Variants in SSBP2 observed in about 807,000 individuals in gnomAD.
SSBP2 encodes the protein single-stranded DNA-binding protein 2.
A neutral mutation model predicts 61.8 loss-of-function variants in SSBP2; 17 were observed. The ratio of observed to expected loss-of-function variants is 0.28; its 90% CI spans 0.19 to 0.41. SSBP2 has a LOEUF of 0.41. Ranked by LOEUF, SSBP2 falls within the 10% of genes least tolerant of loss-of-function variation. SSBP2 has a pLI of 1.00. For missense variants in SSBP2, 310 were observed against 458.7 expected (o/e 0.68, Z 2.96); for synonymous variants, 139 against 141.3 (o/e 0.98, Z 0.12).
intron 3 of SSBP2, among the ~76,000 whole-genome samples, chr5:81,627,188 G>A (rs747204985): frequency 6.4e-4 from 98 of 151,978 alleles, no homozygotes; most frequent in Non-Finnish European, 1.0e-3. Flanking sequence ...GATTCCCTCC[G>A]TTTTTTACAA....
chr5:81,525,942 T>C (rs1769898737), intron 4 of SSBP2, among the ~76,000 whole-genome samples: 1 of 152,044 alleles, frequency 6.6e-6, no homozygotes, highest in South Asian at 2.1e-4. Flanking sequence ...CAGATTACAA[T>C]CATGGAGGTA....
At chr5:81,649,697 T>A (rs1749567883) in intron 2 of SSBP2, among the ~76,000 whole-genome samples, 2 of 151,616 alleles carry the variant, frequency 1.3e-5, no homozygotes, top group Admixed American at 6.6e-5. Flanking sequence ...GGTGACAGTA[T>A]CTATACCCTA....
At chr5:81,512,841 T>A (rs955922396) in intron 5 of SSBP2, among the ~76,000 whole-genome samples, 2 of 152,136 alleles carry the variant, frequency 1.3e-5, no homozygotes, top group Non-Finnish European at 2.9e-5. Flanking sequence ...TCATTAACAA[T>A]ACAGCATATT....
chr5:81,511,460 T>C (rs181171508), intron 5 of SSBP2, among the ~76,000 whole-genome samples: 1 of 152,318 alleles, frequency 6.6e-6, no homozygotes, highest in Admixed American at 6.5e-5. Flanking sequence ...TGTGCCATGC[T>C]ATAGCATATC....
At position 81,749,377 on chromosome 5, in the gene SSBP2, G is replaced by T. The variant is rs761001914; in HGVS notation, c.62+1604C>A. On this transcript the variant is annotated intron_variant, in intron 1 of 16. Transcript: ENST00000320672. ...AAATCCTATGGGAATTGAGTGTGTT[G>T]CTGCCAACACAAAGATTAGGAAATG... Among the ~76,000 whole-genome samples, 67 of 152,268 alleles carry T rather than the reference G, an allele frequency of 4.4e-4. No homozygotes were observed. In the Middle Eastern group the frequency reaches 0.01, roughly 23 times the overall value.
intron 5 of SSBP2, among the ~76,000 whole-genome samples, chr5:81,496,008 T>C (rs1280486451): frequency 6.6e-6 from 1 of 152,162 alleles, no homozygotes; most frequent in Non-Finnish European, 1.5e-5. Flanking sequence ...TTCCTTAGAA[T>C]GAACGAATTA....
At chr5:81,645,015 C>T (rs1482059420) in intron 2 of SSBP2, among the ~76,000 whole-genome samples, 2 of 152,082 alleles carry the variant, frequency 1.3e-5, no homozygotes, top group Admixed American at 6.5e-5. Context: ...AAAAGTTGGT[C>T]AAGATTTTTT....
chr5:81,531,056 C>A (rs1031660476), intron 4 of SSBP2, among the ~76,000 whole-genome samples: 1 of 150,924 alleles, frequency 6.6e-6, no homozygotes, highest in African/African-American at 2.4e-5. Flanking sequence ...AAAACCAAAC[C>A]AAAACCAAAA....
chr5:81,420,611 C>T (rs993452743), intron 16 of SSBP2, 78 bp from the exon 17 acceptor site: 16 of 1,165,698 alleles, frequency 1.4e-5, no homozygotes, highest in East Asian at 9.6e-5. Context: ...ACAACAGAAA[C>T]GATGAATTCT....
intron 1 of SSBP2, among the ~76,000 whole-genome samples, chr5:81,700,673 G>T (rs1324788492): frequency 2.0e-5 from 3 of 152,182 alleles, no homozygotes; most frequent in East Asian, 3.8e-4. Context: ...AATGATCTTA[G>T]ATCTTCTGGA....
intron 10 of SSBP2, among the ~76,000 whole-genome samples, chr5:81,451,828 G>C (rs2153981065): frequency 8.0e-6 from 1 of 125,506 alleles, no homozygotes; most frequent in Admixed American, 7.4e-5. Context: ...TCAACTAGTT[G>C]TTCAATTTCT....
chr5:81,653,456 T>C (rs1323270950), intron 1 of SSBP2, among the ~76,000 whole-genome samples: 1 of 152,216 alleles, frequency 6.6e-6, no homozygotes, highest in East Asian at 1.9e-4. Flanking sequence ...CCTTTGGATA[T>C]ATACTCAGTA....
At position 81,417,697 on chromosome 5, in the gene SSBP2, T is replaced by C. The variant is rs756385490; in HGVS notation, c.*2807A>G. 11 of 152,206 alleles carry C rather than the reference T, an allele frequency of 7.2e-5. No homozygotes were observed. The highest frequency in any genetic ancestry group is 2.0e-4 in the Admixed American group (3 of 15,270). The allele number at this position is 152,206 out of a possible 1,614,324, so 9.4% of individuals were successfully genotyped here. The stretch of plus-strand genomic sequence containing the variant: ...AATATACAGATATACTGTCTTCCAT[T>C]CAGTGCATGAAAGAATTATCTGGAT... On this transcript the variant is annotated 3_prime_UTR_variant, in exon 17 of 17. Transcript: ENST00000320672.
intron 6 of SSBP2, among the ~76,000 whole-genome samples, chr5:81,482,719 CTTCT>C (rs1254851442): frequency 1.3e-5 from 2 of 152,156 alleles, no homozygotes; most frequent in Non-Finnish European, 1.5e-5. Context: ...TAAAAACTTC[CTTCT>C]ATCAGCAATA....
At chr5:81,531,251 A>G (rs34422928) in intron 4 of SSBP2, among the ~76,000 whole-genome samples, 1 of 151,592 alleles carries the variant, frequency 6.6e-6, no homozygotes, top group South Asian at 2.1e-4. Context: ...AAGAAAAAAA[A>G]AAAGAAAGAA....
At chr5:81,538,899 A>G (rs969678831) in intron 4 of SSBP2, among the ~76,000 whole-genome samples, 2 of 152,228 alleles carry the variant, frequency 1.3e-5, no homozygotes, top group Non-Finnish European at 2.9e-5. Flanking sequence ...TGATGAAGAT[A>G]TACAAGGAGA....
chr5:81,713,171 T>TTA (rs1754912680), intron 1 of SSBP2, among the ~76,000 whole-genome samples: 1 of 152,056 alleles, frequency 6.6e-6, no homozygotes, highest in African/African-American at 2.4e-5. Context: ...AGGGTTAGTA[T>TTA]TACATAATAG....
chr5:81,512,989 G>C (rs970917720), intron 5 of SSBP2, among the ~76,000 whole-genome samples: 1 of 152,062 alleles, frequency 6.6e-6, no homozygotes, highest in African/African-American at 2.4e-5. Flanking sequence ...TTAGAAAACT[G>C]TCAGATTTAA....
chr5:81,453,845 A>G (rs1009303169), intron 10 of SSBP2, among the ~76,000 whole-genome samples: 1 of 152,206 alleles, frequency 6.6e-6, no homozygotes, highest in African/African-American at 2.4e-5. Flanking sequence ...AAAAATATGG[A>G]AAACTAAAGA....
Sources: allele counts gnomAD v4.1 joint callset (sites outside exome capture counted in the v4.1 genomes callset), GRCh38; gene constraint gnomAD v4.1.1; transcripts MANE v1.5; gene names NCBI Gene and HGNC (gene_info 2026-07-23, HGNC 2026-07-21).